Variants in C10orf90 observed in about 807,000 individuals in gnomAD.
The protein encoded by C10orf90 is (E2-independent) E3 ubiquitin-conjugating enzyme FATS.
Under a neutral mutation model 62.5 loss-of-function variants are expected in C10orf90, and 56 were observed. The ratio of observed to expected loss-of-function variants is 0.90; its 90% confidence interval spans 0.72 to 1.12. The LOEUF is 1.12. Ranked by LOEUF, C10orf90 falls within the 50% of genes most tolerant of loss-of-function variation. C10orf90 has a pLI of 0.00. For missense variants in C10orf90, 970 were observed against 880.4 expected, an observed-to-expected ratio of 1.10 and a Z score of -1.29; for synonymous variants, 386 against 340.4, an observed-to-expected ratio of 1.13 and a Z score of -1.47.
chr10:126,579,646 T>C (rs930508192), intron 2 of C10orf90, among the ~76,000 whole-genome samples: 8 of 152,158 alleles, frequency 5.3e-5, no homozygotes, highest in Non-Finnish European at 1.0e-4. Context: ...TATTCATGGC[T>C]AGAGAAAAGA....
At chr10:126,569,846 C>A (rs1402484861) in intron 2 of C10orf90, among the ~76,000 whole-genome samples, 1 of 152,036 alleles carries the variant, frequency 6.6e-6, no homozygotes, top group African/African-American at 2.4e-5. Context: ...TTACAAGGGA[C>A]CCCAAAACTC....
chr10:126,480,580 A>G (rs545736106), intron 4 of C10orf90, among the ~76,000 whole-genome samples: 23 of 152,366 alleles, frequency 1.5e-4, no homozygotes, highest in Admixed American at 5.9e-4. Flanking sequence ...ACTGGTGAAC[A>G]TACAGCGGCC....
chr10:126,490,021 A>ATAT (rs1334279972), intron 4 of C10orf90, among the ~76,000 whole-genome samples: 1 of 63,940 alleles, frequency 1.6e-5, no homozygotes, highest in African/African-American at 7.5e-5. Flanking sequence ...TATTATATAT[A>ATAT]ATATATAATA....
chr10:126,518,464 T>C (rs923793694), intron 2 of C10orf90, among the ~76,000 whole-genome samples: 1 of 152,064 alleles, frequency 6.6e-6, no homozygotes, highest in African/African-American at 2.4e-5. Context: ...TCCACGACTT[T>C]TAGAAAAACC....
chr10:126,455,767 C>T (rs1289202787), intron 7 of C10orf90, among the ~76,000 whole-genome samples: 1 of 152,154 alleles, frequency 6.6e-6, no homozygotes, highest in African/African-American at 2.4e-5. Flanking sequence ...TGAAAATTTT[C>T]CTGCCTCCAA....
At chr10:126,497,083 C>A (rs927994531) in intron 4 of C10orf90, among the ~76,000 whole-genome samples, 1 of 152,230 alleles carries the variant, frequency 6.6e-6, no homozygotes, top group African/African-American at 2.4e-5. Flanking sequence ...CCACAGCTGA[C>A]ACGATCAATG....
chr10:126,621,520 G>T (rs923672742), intron 2 of C10orf90, among the ~76,000 whole-genome samples: 2 of 152,206 alleles, frequency 1.3e-5, no homozygotes, highest in Non-Finnish European at 2.9e-5. Flanking sequence ...TTTTTGCTGA[G>T]TGGATGGAGT....
At chr10:126,660,195 T>C (rs762669657) in intron 1 of C10orf90, among the ~76,000 whole-genome samples, 15 of 152,244 alleles carry the variant, frequency 9.9e-5, no homozygotes, top group Non-Finnish European at 1.6e-4. Context: ...AAAGATCCTA[T>C]GAATATGACG....
chr10:126,565,073 A>G lies in C10orf90; in HGVS notation c.314-51134T>C, dbSNP rs1844310856. On this transcript the variant is annotated intron_variant, in intron 2 of 9. Coordinates refer to ENST00000488181, the MANE Select transcript of C10orf90 (RefSeq NM_001350921.2). Reference sequence around the variant, plus strand: ...ATAATATATAAAATATATATTATATATAATATATAAAATATATATTATATA... The same window carrying G: ...ATAATATATAAAATATATATTATATGTAATATATAAAATATATATTATATA... Among the ~76,000 whole-genome samples the G allele has an allele frequency of 1.3e-4, 4 of 31,368 alleles. No individual in the cohort carries two copies. The South Asian group carries it at 5.4e-3, about 42-fold the overall frequency. 20.6% of individuals were successfully genotyped at this position (31,368 alleles called of 152,430 possible). A position where few individuals can be genotyped will look rare whatever the true frequency, so the allele number is the denominator to read the frequency against.
At chr10:126,666,050 C>T (rs1846620876) in intron 1 of C10orf90, among the ~76,000 whole-genome samples, 1 of 152,190 alleles carries the variant, frequency 6.6e-6, no homozygotes, top group Admixed American at 6.5e-5. Context: ...TCAGAAGGGT[C>T]ATGTTGTAAC....
At chr10:126,497,962 G>C (rs1862161891) in intron 4 of C10orf90, among the ~76,000 whole-genome samples, 1 of 152,184 alleles carries the variant, frequency 6.6e-6, no homozygotes, top group Non-Finnish European at 1.5e-5. Flanking sequence ...CACTCTCTGG[G>C]TTACTTGTTG....
chr10:126,614,624 G>T (rs1384837564), intron 2 of C10orf90, among the ~76,000 whole-genome samples: 2 of 152,002 alleles, frequency 1.3e-5, no homozygotes, highest in Non-Finnish European at 2.9e-5. Flanking sequence ...CAGTCCAGGG[G>T]AAATCCTCCT....
At position 126,425,763 on chromosome 10, in the gene C10orf90, A is replaced by T; in HGVS notation, c.*101T>A. The T allele has an allele frequency of 8.1e-7, 1 of 1,237,624 alleles. No individual in the cohort carries two copies. The highest frequency in any genetic ancestry group is 1.1e-6 in the Non-Finnish European group (1 of 896,458). 76.7% of individuals were successfully genotyped at this position (1,237,624 alleles called of 1,614,324 possible). A position where few individuals can be genotyped will look rare whatever the true frequency, so the allele number is the denominator to read the frequency against. On this transcript the variant is annotated 3_prime_UTR_variant, in exon 10 of 10. Coordinates refer to ENST00000488181, the MANE Select transcript of C10orf90 (RefSeq NM_001350921.2). ...GGAAAAAAAAAATCGAAAGTAAAAT[A>T]AGTGTTTTCCCATGATGAAGATAAT...
intron 1 of C10orf90, among the ~76,000 whole-genome samples, chr10:126,664,623 G>A (rs1246104399): frequency 6.6e-6 from 1 of 152,144 alleles, no homozygotes; most frequent in African/African-American, 2.4e-5. Flanking sequence ...TGGCTGAAAT[G>A]TGGATATGGT....
chr10:126,554,667 C>G (rs1186742855), intron 2 of C10orf90, among the ~76,000 whole-genome samples: 1 of 152,140 alleles, frequency 6.6e-6, no homozygotes, highest in African/African-American at 2.4e-5. Context: ...AACTCCATTC[C>G]CTGCTACCAA....
intron 2 of C10orf90, among the ~76,000 whole-genome samples, chr10:126,640,989 A>G (rs920530822): frequency 6.6e-6 from 1 of 152,228 alleles, no homozygotes; most frequent in Admixed American, 6.5e-5. Context: ...GGAGTGAGGT[A>G]CAATGAAACG....
intron 1 of C10orf90, among the ~76,000 whole-genome samples, chr10:126,668,557 A>T (rs1394206057): frequency 6.6e-6 from 1 of 152,226 alleles, no homozygotes; most frequent in African/African-American, 2.4e-5. Flanking sequence ...GGAATATTTT[A>T]AAATCGGAAA....
intron 2 of C10orf90, among the ~76,000 whole-genome samples, chr10:126,576,293 A>G (rs1844609321): frequency 6.6e-6 from 1 of 152,132 alleles, no homozygotes; most frequent in South Asian, 2.1e-4. Flanking sequence ...AAGGAGACAT[A>G]AAAAATGGCC....
intron 2 of C10orf90, among the ~76,000 whole-genome samples, chr10:126,637,603 C>T (rs1360659109): frequency 6.6e-6 from 1 of 152,162 alleles, no homozygotes; most frequent in Non-Finnish European, 1.5e-5. Context: ...GGGCTGGCTT[C>T]CAGAGGACAT....
Sources: gnomAD v4.1 joint callset for allele counts (sites outside exome capture counted in the v4.1 genomes callset) on GRCh38, gnomAD v4.1.1 for gene constraint, MANE v1.5 for transcripts, NCBI Gene and HGNC (gene_info 2026-07-23, HGNC 2026-07-21) for gene names.